The following UBXN6 variants were observed in gnomAD, a reference collection of about 807,000 sequenced individuals.
UBXN6 encodes the protein UBX domain-containing protein 6.
In UBXN6, 44 loss-of-function variants were observed where a neutral mutation model predicts 51.4. The observed-to-expected ratio is 0.86, with a 90% CI of 0.67 to 1.10. The LOEUF (loss-of-function observed/expected upper bound fraction) is 1.10. UBXN6 is among the 50% of genes least tolerant of loss of function. The pLI, the probability that UBXN6 is intolerant of heterozygous loss-of-function variation, is 0.00. For missense variants in UBXN6, 672 were observed against 596.1 expected (o/e 1.13, Z -1.32); for synonymous variants, 316 against 263.2 (o/e 1.20, Z -1.94).
chr19:4,447,300 AGCTGAAG>A (rs975541608), intron 6 of UBXN6: 8 of 577,736 alleles, frequency 1.4e-5, no homozygotes, highest in African/African-American at 1.1e-4. Context: ...AAACAAGCCC[AGCTGAAG>A]AGGAGGAAAA....
rs1260545650 is a variant in UBXN6, at chr19:4,447,622, G to A, written c.543C>T (p.Tyr181=). Residue 181 remains tyrosine, a synonymous_variant, in exon 6 of 11, where the codon TAC becomes TAT. Coordinates refer to ENST00000301281, the MANE Select transcript of UBXN6 (RefSeq NM_025241.3). ...CGGGGTGCAGGTGGATGTTGTCCAG[G>A]TACCTGGGGTAGGTGGAGAAGGTGA... The part of the protein sequence containing the change: ...VKLGVDTIAK[Y]LDNIHLHPEE... 1.2e-6 allele frequency: 2 copies of A among 1,613,892 alleles called. No homozygotes were observed. The highest frequency in any genetic ancestry group is 8.5e-7 in the Non-Finnish European group (1 of 1,179,866).
At chr19:4,456,940 A>G (rs1974747074) in intron 1 of UBXN6, among the ~76,000 whole-genome samples, 1 of 151,982 alleles carries the variant, frequency 6.6e-6, no homozygotes, top group Admixed American at 6.6e-5. Context: ...ATCCCAGGTC[A>G]CTGACGACGC....
chr19:4,447,372 A>T, intron 6 of UBXN6, 178 bp downstream of exon 6: 1 of 640,144 alleles, frequency 1.6e-6, no homozygotes, highest in South Asian at 1.8e-5. Context: ...GGTGCATAAA[A>T]GTCTTGCTCT....
Position 4,445,378 on chromosome 19 carries a change from G to A in UBXN6, c.*120C>T, listed in dbSNP as rs562800440. The A allele has an allele frequency of 8.4e-5, 126 of 1,503,466 alleles. No individual in the cohort carries two copies. In the African/African-American group the frequency reaches 1.4e-3, roughly 16 times the overall value. 93.1% of individuals were successfully genotyped at this position (1,503,466 alleles called of 1,614,324 possible). A position where few individuals can be genotyped will look rare whatever the true frequency, so the allele number is the denominator to read the frequency against. On this transcript the variant is annotated 3_prime_UTR_variant, in exon 11 of 11. Coordinates refer to ENST00000301281, the MANE Select transcript of UBXN6 (RefSeq NM_025241.3). Reference sequence around the variant, plus strand: ...CAGCTCCACGGCTGGCGCCCCTCCCGTGCCCATGGGGCAGAGCCAAGTATT... The same window carrying A: ...CAGCTCCACGGCTGGCGCCCCTCCCATGCCCATGGGGCAGAGCCAAGTATT...
rs551341853 is a variant in UBXN6 at position 4,452,260 on chromosome 19, C to T, written c.441+104G>A. The T allele has an allele frequency of 7.3e-6, 11 of 1,516,030 alleles. No homozygotes were observed. The African/African-American group carries it at 1.1e-4, about 15-fold the overall frequency. The allele number at this position is 1,516,030 out of a possible 1,614,324, so 93.9% of individuals were successfully genotyped here. On this transcript the variant is annotated intron_variant, in intron 4 of 10. Coordinates refer to ENST00000301281, the MANE Select transcript of UBXN6 (RefSeq NM_025241.3). ...GGGGCTTCACTACTAGCAGTGGCCT[C>T]TGGGGACTCTGGGAGGGATCTGTAC... is the stretch of plus-strand genomic sequence containing the variant.
rs373552202 is a variant in UBXN6, at chr19:4,446,398, C to G, written c.936G>C (p.Glu312Asp). 4 of 1,578,388 alleles carry G rather than the reference C, an allele frequency of 2.5e-6. No homozygotes were observed. The African/African-American group carries it at 4.0e-5, about 16-fold the overall frequency. The change falls in exon 9 of 11, where the codon GAG becomes GAC. Residue 312 changes from glutamate (E) to aspartate (D), a missense_variant. By Grantham distance (45) the Glu-to-Asp change is conservative (BLOSUM62 2). Transcript: ENST00000301281. The part of the protein sequence containing the change: ...REQRLRSEAV[E>D]RLSVLRTKAM... ...CCTTGGTCCGCAGCACGCTCAGCCG[C>G]TCCACCGCCTCGGACCTGCACACGC...
At position 4,457,739 on chromosome 19, in the gene UBXN6, G is replaced by T. The variant is rs1974761411; in HGVS notation, c.-42C>A. 1 of 1,389,572 alleles carries T rather than the reference G, an allele frequency of 7.2e-7. No homozygotes were observed. The allele number at this position is 1,389,572 out of a possible 1,614,324, so 86.1% of individuals were successfully genotyped here. A position where few individuals can be genotyped will look rare whatever the true frequency, so the allele number is the denominator to read the frequency against. ...GCGGCGGGGGGCCGCGGGGGCGGGG[G>T]GGCACGGGGCCCAGTCGGGGACGGG... On this transcript the variant is annotated 5_prime_UTR_variant, in exon 1 of 11. Coordinates refer to ENST00000301281, the MANE Select transcript of UBXN6 (RefSeq NM_025241.3).
At chr19:4,447,925 G>C (rs1050184281) in intron 5 of UBXN6, 1 of 503,732 alleles carries the variant, frequency 2.0e-6, no homozygotes, top group Non-Finnish European at 3.6e-6. Context: ...AGAGTGGAGA[G>C]CCAGAGCTGA....
intron 5 of UBXN6, 63 bp downstream of exon 5, chr19:4,448,255 C>CA: frequency 6.9e-7 from 1 of 1,445,100 alleles, no homozygotes; most frequent in Non-Finnish European, 9.4e-7. Flanking sequence ...GTGACAGCCC[C>CA]AGTGGGAGGG....
chr19:4,454,534 C>T (rs1974711746), intron 1 of UBXN6, among the ~76,000 whole-genome samples: 1 of 152,176 alleles, frequency 6.6e-6, no homozygotes, highest in Non-Finnish European at 1.5e-5. Flanking sequence ...GGAATCCTCC[C>T]GCCTCAGCCT....
chr19:4,447,424 G>T, intron 6 of UBXN6, 126 bp downstream of exon 6: 1 of 1,022,686 alleles, frequency 9.8e-7, no homozygotes, highest in Non-Finnish European at 1.5e-6. Context: ...ACCCTTCACT[G>T]CTTGTGGCTC....
chr19:4,451,114 T>C (rs550018065), intron 4 of UBXN6, among the ~76,000 whole-genome samples: 69 of 152,300 alleles, frequency 4.5e-4, no homozygotes, highest in African/African-American at 1.6e-3. Flanking sequence ...TGGAGCTCAA[T>C]GGCGTGATCT....
chr19:4,446,137 T>A lies in UBXN6; in HGVS notation c.1112A>T (p.Gln371Leu), dbSNP rs1568187893. The A allele has an allele frequency of 6.2e-7, 1 of 1,612,238 alleles. No homozygotes were observed. The highest frequency in any genetic ancestry group is 1.3e-5 in the African/African-American group (1 of 75,060). ...CAGCTCAAAAGGCAGCCAGTCGCTC[T>A]GCAGGGCCTCCCGGACGAACCCGTA... Reference protein sequence around the residue: ...AVYGFVREALQSDWLPFELLA... With the variant: ...AVYGFVREALLSDWLPFELLA... The change falls in exon 10 of 11, where the codon CAG becomes CTG. Residue 371 changes from glutamine to leucine, a missense_variant. Transcript: ENST00000301281.
At chr19:4,453,732 G>T (rs1363059128) in intron 2 of UBXN6, among the ~76,000 whole-genome samples, 198 bp downstream of exon 2, 1 of 152,150 alleles carries the variant, frequency 6.6e-6, no homozygotes, top group Non-Finnish European at 1.5e-5. Context: ...TGGGCAGCCC[G>T]TTTCTGCTCC....
chr19:4,455,407 G>C (rs1047243147), intron 1 of UBXN6: 59 of 528,252 alleles, frequency 1.1e-4, no homozygotes, highest in Non-Finnish European at 1.3e-4. Flanking sequence ...GACTCATGAA[G>C]ACCCACCCCG....
intron 4 of UBXN6, among the ~76,000 whole-genome samples, chr19:4,452,151 A>C (rs200974035): frequency 2.0e-5 from 3 of 150,962 alleles, no homozygotes; most frequent in Non-Finnish European, 3.0e-5. Context: ...TCCATCTCAA[A>C]AAAAAAAAAA....
chr19:4,454,517 G>A (rs1974710173), intron 1 of UBXN6, among the ~76,000 whole-genome samples: 1 of 152,132 alleles, frequency 6.6e-6, no homozygotes, highest in South Asian at 2.1e-4. Context: ...TGAGCTCCCA[G>A]GCTCAAGGAA....
chr19:4,448,483 G>A (rs62130982), intron 4 of UBXN6, 68 bp from the exon 5 acceptor site: 103,276 of 1,300,368 alleles, frequency 0.079, 4,797 homozygotes, highest in Non-Finnish European at 0.09. Context: ...CGCTGCCCAG[G>A]TAACAGGGGC....
chr19:4,456,491 T>C (rs368641996), intron 1 of UBXN6, among the ~76,000 whole-genome samples: 12 of 151,384 alleles, frequency 7.9e-5, no homozygotes, highest in African/African-American at 2.9e-4. Flanking sequence ...CCTGGCTGAC[T>C]TCCTCAGTCC....
Sources: gnomAD v4.1 joint callset for allele counts (sites outside exome capture counted in the v4.1 genomes callset) on GRCh38, gnomAD v4.1.1 for gene constraint, MANE v1.5 for transcripts, NCBI Gene and HGNC (gene_info 2026-07-23, HGNC 2026-07-21) for gene names.